ZBBX: variants seen among roughly 807,000 people sequenced by gnomAD.
The protein encoded by ZBBX is zinc finger B-box domain containing.
Under a neutral mutation model 108.5 loss-of-function variants are expected in ZBBX, and 101 were observed. The observed-to-expected ratio is 0.93, with a 90% confidence interval of 0.79 to 1.10. ZBBX has a LOEUF of 1.10. ZBBX is among the 50% of genes least tolerant of loss of function. The pLI is 0.00. For synonymous variants in ZBBX, 356 were observed against 323.4 expected, an observed-to-expected ratio of 1.10 and a Z score of -1.08; for missense variants, 1,009 against 941.4, an observed-to-expected ratio of 1.07 and a Z score of -0.94.
downstream of ZBBX, among the ~76,000 whole-genome samples, chr3:167,238,723 T>TA (rs1720332830): frequency 6.6e-6 from 1 of 152,068 alleles, no homozygotes. Flanking sequence ...AAAACTGTCC[T>TA]AAAATGTCAC....
In ZBBX at chr3:167,375,319, C is replaced by T. The variant is rs185778650; in HGVS notation, c.-131-1532G>A. On this transcript the variant is annotated intron_variant, in intron 2 of 21. Coordinates refer to ENST00000675490, the MANE Select transcript of ZBBX (RefSeq NM_001199201.2). Reference sequence around the variant, plus strand: ...AGAGAATCCATTTTATGGCTGGACGCGGTGGCTGACACCTGTAATCCCAGT... The same window carrying T: ...AGAGAATCCATTTTATGGCTGGACGTGGTGGCTGACACCTGTAATCCCAGT... Among the ~76,000 whole-genome samples, 547 of 152,182 alleles carry T rather than the reference C, an allele frequency of 3.6e-3. 4 individuals carry two copies. The highest frequency in any genetic ancestry group is 0.012 in the African/African-American group (512 of 41,526).
the ZBBX span, among the ~76,000 whole-genome samples, chr3:167,192,095 G>A: frequency 6.6e-6 from 1 of 151,314 alleles, no homozygotes; most frequent in African/African-American, 2.4e-5. Context: ...TATTGTTTTT[G>A]ATAGTTTTAT....
intron 1 of ZBBX, among the ~76,000 whole-genome samples, chr3:167,407,659 G>GA (rs1333623636): frequency 1.3e-5 from 2 of 151,910 alleles, no homozygotes; most frequent in Admixed American, 1.3e-4. Flanking sequence ...TCATGAGGAA[G>GA]AAAAAATATG....
chr3:167,230,538 T>C, the ZBBX span, among the ~76,000 whole-genome samples: 3 of 151,796 alleles, frequency 2.0e-5, no homozygotes, highest in African/African-American at 7.2e-5. Flanking sequence ...ATATTTAAGA[T>C]GAGACAAGAA....
At chr3:167,342,555 G>A (rs923244018) in intron 9 of ZBBX, among the ~76,000 whole-genome samples, 1 of 151,378 alleles carries the variant, frequency 6.6e-6, no homozygotes, top group Non-Finnish European at 1.5e-5. Flanking sequence ...ATTATTAACC[G>A]TAGGTACCAT....
intron 16 of ZBBX, among the ~76,000 whole-genome samples, chr3:167,308,298 T>C (rs939478201): frequency 2.6e-4 from 39 of 151,622 alleles, no homozygotes; most frequent in Non-Finnish European, 1.0e-4. Flanking sequence ...TATTAAAAAG[T>C]AAAAAAAATA....
chr3:167,346,772 C>G (rs1257325578), intron 9 of ZBBX, among the ~76,000 whole-genome samples: 1 of 151,540 alleles, frequency 6.6e-6, no homozygotes, highest in Non-Finnish European at 1.5e-5. Context: ...AAATGGCCAT[C>G]AAAGCCAAAG....
chr3:167,371,772 T>A (rs557686200), intron 4 of ZBBX, among the ~76,000 whole-genome samples: 1 of 152,278 alleles, frequency 6.6e-6, no homozygotes, highest in South Asian at 2.1e-4. Context: ...AAAATGATAA[T>A]GCCATATATT....
chr3:167,295,590 T>G (rs895076142), intron 18 of ZBBX, among the ~76,000 whole-genome samples: 1 of 151,040 alleles, frequency 6.6e-6, no homozygotes, highest in Admixed American at 6.6e-5. Flanking sequence ...GATGGGTTGA[T>G]GGATGCAGCA....
At position 167,276,292 on chromosome 3, in the gene ZBBX, C is replaced by T. The variant is rs537278956; in HGVS notation, c.2254+5946G>A. Among the ~76,000 whole-genome samples the T allele has an allele frequency of 2.0e-4, 31 of 152,190 alleles. No homozygotes were observed. The South Asian group carries it at 4.6e-3, about 22-fold the overall frequency. ...AAGGCTTCAGACAATCAAATTACTC[C>T]GCGCTACGGGAGAACATTCAAACCA... On this transcript the variant is annotated intron_variant, in intron 20 of 21. Coordinates refer to ENST00000675490, the MANE Select transcript of ZBBX (RefSeq NM_001199201.2).
At chr3:167,201,451 C>T in the ZBBX span, among the ~76,000 whole-genome samples, 1 of 152,010 alleles carries the variant, frequency 6.6e-6, no homozygotes, top group African/African-American at 2.4e-5. Context: ...GTTAAAAAGT[C>T]AAAGACTAAT....
chr3:167,367,979 T>C (rs959129011), intron 5 of ZBBX, among the ~76,000 whole-genome samples: 15 of 87,144 alleles, frequency 1.7e-4, no homozygotes, highest in Non-Finnish European at 2.5e-5. Context: ...TATATATATA[T>C]ATATATATAC....
At chr3:167,404,176 C>A (rs1460275755) in intron 1 of ZBBX, among the ~76,000 whole-genome samples, 3 of 151,732 alleles carry the variant, frequency 2.0e-5, no homozygotes, top group Admixed American at 2.0e-4. Flanking sequence ...ACAAGTAGTA[C>A]CAAAGATAAA....
chr3:167,252,258 T>G (rs1212172299), intron 20 of ZBBX: 1 of 1,103,352 alleles, frequency 9.1e-7, no homozygotes, highest in East Asian at 5.8e-5. Flanking sequence ...TACACAATAA[T>G]GCAGCTTTCA....
At chr3:167,388,960 TTC>T (rs2108635954) in intron 1 of ZBBX, among the ~76,000 whole-genome samples, 1 of 152,042 alleles carries the variant, frequency 6.6e-6, no homozygotes, top group African/African-American at 2.4e-5. Flanking sequence ...ATTACCTCTT[TTC>T]TTTTCTTTTT....
In ZBBX at chr3:167,360,738, T is replaced by C; in HGVS notation, c.274-15A>G. ...CCAGCAGAAAACTGTATTAATAAAA[T>C]AGATACTATTTGTCAGGTATATATT... On this transcript the variant is annotated splice_polypyrimidine_tract_variant and intron_variant, in intron 6 of 21. Coordinates refer to ENST00000675490, the MANE Select transcript of ZBBX (RefSeq NM_001199201.2). 2.2e-6 allele frequency: 3 copies of C among 1,361,830 alleles called. No individual in the cohort carries two copies. Among genetic ancestry groups the C allele is most frequent in the Non-Finnish European group, 2.9e-6 (3 of 1,037,002 alleles). 84.4% of individuals were successfully genotyped at this position (1,361,830 alleles called of 1,614,324 possible).
At chr3:167,186,284 C>G in the ZBBX span, among the ~76,000 whole-genome samples, 1 of 151,948 alleles carries the variant, frequency 6.6e-6, no homozygotes, top group Non-Finnish European at 1.5e-5. Flanking sequence ...TATCCATGCC[C>G]TTTGTACATA....
chr3:167,242,622 CT>C lies in ZBBX; in HGVS notation c.2275del (p.Ser759AlafsTer2). On this transcript the variant is annotated frameshift_variant, in exon 21 of 22. Coordinates refer to ENST00000675490, the MANE Select transcript of ZBBX (RefSeq NM_001199201.2). LOFTEE classifies it high-confidence loss of function. ...SLADTSEKLYSLTSEEFPDFS... is the reference protein window; with the variant it reads ...SLADTSEKLYXLTSEEFPDFS... ...ATCTGGGAACTCTTCTGAGGTTAAG[CT>C]GTAAAGCTTTTCTGAAGTATCTGAA... The C allele has an allele frequency of 6.2e-7, 1 of 1,610,166 alleles. No homozygotes were observed. Among genetic ancestry groups the C allele is most frequent in the Non-Finnish European group, 8.5e-7 (1 of 1,178,948 alleles).
rs1021870894 is a variant in ZBBX, at chr3:167,338,949, T to C, written c.529-4964A>G. Among the ~76,000 whole-genome samples, 6 of 152,246 alleles carry C rather than the reference T, an allele frequency of 3.9e-5. No individual in the cohort carries two copies. The East Asian group carries it at 1.2e-3, about 29-fold the overall frequency. On this transcript the variant is annotated intron_variant, in intron 9 of 21. Transcript: ENST00000675490. ...TATGGACTAATGGGAATTTTAAAAT[T>C]GTTATATATATTCTATAAATCTTTT...
Sources: gnomAD v4.1 joint callset for allele counts (sites outside exome capture counted in the v4.1 genomes callset) on GRCh38, gnomAD v4.1.1 for gene constraint, MANE v1.5 for transcripts, NCBI Gene and HGNC (gene_info 2026-07-23, HGNC 2026-07-21) for gene names.